ADAM2: variants seen among roughly 807,000 people sequenced by gnomAD.
ADAM2 encodes disintegrin and metalloproteinase domain-containing protein 2.
In ADAM2, 101 loss-of-function variants were observed where a neutral mutation model predicts 99.3. The ratio of observed to expected loss-of-function variants is 1.02; its 90% CI spans 0.87 to 1.20. The LOEUF (loss-of-function observed/expected upper bound fraction) is 1.20. Among genes scored for constraint, ADAM2 ranks in the 50% most tolerant of loss-of-function variants. The probability of loss-of-function intolerance (pLI) is 0.00; values close to 1 mark genes in which losing one functional copy is unlikely to be tolerated. For missense variants in ADAM2, 948 were observed against 878.7 expected, an observed-to-expected ratio of 1.08 and a Z score of -1.00; for synonymous variants, 323 against 287.6, an observed-to-expected ratio of 1.12 and a Z score of -1.25.
intron 7 of ADAM2, among the ~76,000 whole-genome samples, chr8:39,796,187 C>T (rs1453725658): frequency 6.6e-6 from 1 of 151,996 alleles, no homozygotes; most frequent in Non-Finnish European, 1.5e-5. Context: ...AAGTTCCCTC[C>T]CCTCAGCCCC....
intron 7 of ADAM2, among the ~76,000 whole-genome samples, chr8:39,808,915 C>CA (rs763335373): frequency 1.3e-5 from 2 of 151,808 alleles, no homozygotes; most frequent in East Asian, 1.9e-4. Flanking sequence ...GACTCCATCA[C>CA]AAAAAATAAA....
chr8:39,748,024 G>C (rs1048355619), intron 18 of ADAM2, among the ~76,000 whole-genome samples: 1 of 152,054 alleles, frequency 6.6e-6, no homozygotes, highest in African/African-American at 2.4e-5. Flanking sequence ...TTACCTCAAG[G>C]CTTAGTAACT....
chr8:39,749,564 GGTGTGT>G (rs368362038), intron 17 of ADAM2, 97 bp downstream of exon 17: 7 of 1,166,936 alleles, frequency 6.0e-6, no homozygotes, highest in African/African-American at 1.8e-5. Context: ...TATATGTTTT[GGTGTGT>G]GTGTGTGTGT....
intron 15 of ADAM2, 55 bp downstream of exon 15, chr8:39,761,121 T>A: frequency 8.9e-7 from 1 of 1,126,868 alleles, no homozygotes; most frequent in East Asian, 2.6e-5. Context: ...TTTGATGGTA[T>A]TTTCAAATAT....
chr8:39,785,855 T>G (rs1016658781), intron 10 of ADAM2, among the ~76,000 whole-genome samples: 4 of 150,712 alleles, frequency 2.7e-5, no homozygotes, highest in Non-Finnish European at 5.9e-5. Context: ...AAAAAGACAC[T>G]GGCACTTATA....
At chr8:39,795,989 G>T (rs930284486) in intron 7 of ADAM2, among the ~76,000 whole-genome samples, 1 of 151,932 alleles carries the variant, frequency 6.6e-6, no homozygotes, top group Non-Finnish European at 1.5e-5. Context: ...AGTAGAAATG[G>T]GGAAGCTGTA....
intron 11 of ADAM2, among the ~76,000 whole-genome samples, chr8:39,770,213 T>C (rs2129584294): frequency 6.6e-6 from 1 of 152,236 alleles, no homozygotes; most frequent in East Asian, 1.9e-4. Context: ...TCCCAAAGTG[T>C]TGGGATTACA....
chr8:39,786,716 C>T (rs554302178), intron 10 of ADAM2, among the ~76,000 whole-genome samples: 1 of 152,000 alleles, frequency 6.6e-6, no homozygotes, highest in African/African-American at 2.4e-5. Flanking sequence ...ACTTGAAGAG[C>T]ACTTTACAGT....
Position 39,746,629 on chromosome 8 carries a change from T to C in ADAM2, c.2017A>G (p.Arg673Gly). ...TGGTAAATGTTCTCAATGTAGCGCC[T>C]TTCTAGAAGAAAAAAAAATCAAAGA... Reference protein sequence around the residue: ...PVAIPARLPERRYIENIYHSK... With the variant: ...PVAIPARLPEGRYIENIYHSK... Residue 673 changes from arginine to glycine, a missense_variant and splice_region_variant, in exon 19 of 21, where the codon AGG becomes GGG. Physicochemically the swap from Arg to Gly is moderately radical, Grantham distance 125. Coordinates refer to ENST00000265708, the MANE Select transcript of ADAM2 (RefSeq NM_001464.5). 1.9e-6 allele frequency: 3 copies of C among 1,563,032 alleles called. No homozygotes were observed. Among genetic ancestry groups the C allele is most frequent in the Non-Finnish European group, 2.6e-6 (3 of 1,163,724 alleles).
At chr8:39,744,780 G>A in intron 20 of ADAM2, 50 bp downstream of exon 20, 1 of 1,236,722 alleles carries the variant, frequency 8.1e-7, no homozygotes, top group Non-Finnish European at 1.2e-6. Flanking sequence ...CTGCACCTGT[G>A]TCCCAGTACT....
intron 7 of ADAM2, among the ~76,000 whole-genome samples, chr8:39,803,109 G>A (rs148683951): frequency 0.024 from 3,718 of 152,278 alleles, 61 homozygotes; most frequent in Middle Eastern, 0.068. Context: ...CATGGATCCT[G>A]AAATTGTGAT....
intron 11 of ADAM2, among the ~76,000 whole-genome samples, chr8:39,770,513 A>T (rs997766582): frequency 2.6e-5 from 4 of 152,062 alleles, no homozygotes; most frequent in African/African-American, 9.7e-5. Flanking sequence ...CAGAATGTGG[A>T]CTCTGTGGCC....
intron 4 of ADAM2, among the ~76,000 whole-genome samples, chr8:39,822,726 AATTTGAGG>A (rs761829989): frequency 4.0e-5 from 6 of 151,680 alleles, no homozygotes; most frequent in Non-Finnish European, 7.4e-5. Context: ...TGCCTTCCAT[AATTTGAGG>A]ATTTGAGGTC....
At chr8:39,774,047 C>A (rs7460772) in intron 11 of ADAM2, among the ~76,000 whole-genome samples, 110,071 of 151,816 alleles carry the variant, frequency 0.73, 40,888 homozygotes, top group African/African-American at 0.89. Flanking sequence ...AACAATTAAA[C>A]ATGAATAAAA....
intron 7 of ADAM2, among the ~76,000 whole-genome samples, chr8:39,802,823 GA>G (rs909072073): frequency 7.9e-5 from 12 of 151,212 alleles, no homozygotes; most frequent in African/African-American, 1.9e-4. Context: ...TGAACTCAGA[GA>G]AAAAAAAATC....
At position 39,834,015 on chromosome 8, in the gene ADAM2, A is replaced by G; in HGVS notation, c.133-16T>C. ...TGTAGGATGCCTGGCAGGAGAGCAC[A>G]GTAAAAATACAAAGAAAATGAAAAA... On this transcript the variant is annotated splice_polypyrimidine_tract_variant and intron_variant, in intron 2 of 20. Transcript: ENST00000265708. 6.7e-7 allele frequency: 1 copy of G among 1,502,218 alleles called. No homozygotes were observed. Among genetic ancestry groups the G allele is most frequent in the Non-Finnish European group, 9.2e-7 (1 of 1,086,900 alleles). 93.1% of individuals were successfully genotyped at this position (1,502,218 alleles called of 1,614,324 possible).
intron 19 of ADAM2, among the ~76,000 whole-genome samples, chr8:39,745,669 T>C (rs1823412175): frequency 6.6e-6 from 1 of 152,112 alleles, no homozygotes; most frequent in Non-Finnish European, 1.5e-5. Flanking sequence ...TTTTAATCTT[T>C]TTCTACTTCT....
At position 39,743,814 on chromosome 8, in the gene ADAM2, C is replaced by T. The variant is rs1359178745; in HGVS notation, c.*281G>A. The stretch of plus-strand genomic sequence containing the variant: ...TTTCCTTATACCATGCCCCTACTGA[C>T]AGAATTAGTGTCTACTAACCAACAG... On this transcript the variant is annotated 3_prime_UTR_variant, in exon 21 of 21. Transcript: ENST00000265708. 1 of 152,004 alleles carries T rather than the reference C, an allele frequency of 6.6e-6. No individual in the cohort carries two copies. The highest frequency in any genetic ancestry group is 2.4e-5 in the African/African-American group (1 of 41,384). The allele number at this position is 152,004 out of a possible 1,614,324, so 9.4% of individuals were successfully genotyped here.
intron 1 of ADAM2, 23 bp from the exon 2 acceptor site, chr8:39,837,235 T>C: frequency 6.5e-7 from 1 of 1,547,770 alleles, no homozygotes; most frequent in Non-Finnish European, 8.9e-7. Flanking sequence ...CAAAATGTTT[T>C]ATTAGAACAA....
Sources: gnomAD v4.1 joint callset for allele counts (sites outside exome capture counted in the v4.1 genomes callset) on GRCh38, gnomAD v4.1.1 for gene constraint, MANE v1.5 for transcripts, NCBI Gene and HGNC (gene_info 2026-07-23, HGNC 2026-07-21) for gene names.